MNAT1: variants seen among roughly 807,000 people sequenced by gnomAD.
The protein encoded by MNAT1 is MNAT1 component of CDK activating kinase, also known as CDK-activating kinase assembly factor MAT1.
MNAT1 carries 43 observed loss-of-function variants against 42.0 expected under a neutral mutation model. The observed-to-expected ratio is 1.02, with a 90% CI of 0.80 to 1.32. MNAT1 has a LOEUF of 1.32. Ranked by LOEUF, MNAT1 falls within the 40% of genes most tolerant of loss-of-function variation. The probability of loss-of-function intolerance (pLI) is 0.00; values close to 1 mark genes in which losing one functional copy is unlikely to be tolerated. For synonymous variants in MNAT1, 118 were observed against 120.0 expected, an observed-to-expected ratio of 0.98 and a Z score of 0.11; for missense variants, 306 against 350.4, an observed-to-expected ratio of 0.87 and a Z score of 1.01.
chr14:60,896,076 A>G (rs1377246170), intron 7 of MNAT1, among the ~76,000 whole-genome samples: 1 of 152,184 alleles, frequency 6.6e-6, no homozygotes, highest in African/African-American at 2.4e-5. Flanking sequence ...TGTTACTGAG[A>G]TCTTTTCACA....
At chr14:60,827,838 C>T (rs1055656567) in intron 6 of MNAT1, among the ~76,000 whole-genome samples, 1 of 152,122 alleles carries the variant, frequency 6.6e-6, no homozygotes, top group Non-Finnish European at 1.5e-5. Flanking sequence ...CAGGTGATTA[C>T]TTTCTCTTAG....
intron 6 of MNAT1, among the ~76,000 whole-genome samples, chr14:60,823,173 A>G (rs1249426310): frequency 1.3e-5 from 2 of 152,186 alleles, no homozygotes; most frequent in East Asian, 3.8e-4. Context: ...CCCTGGCTTT[A>G]AGGTCAACAA....
intron 6 of MNAT1, among the ~76,000 whole-genome samples, chr14:60,845,356 T>A (rs569935356): frequency 6.6e-6 from 1 of 152,146 alleles, no homozygotes; most frequent in South Asian, 2.1e-4. Context: ...GAGAATTTCA[T>A]CTAAAGTGTA....
At chr14:60,879,652 T>A in intron 6 of MNAT1, 62 bp from the exon 7 acceptor site, 1 of 1,468,310 alleles carries the variant, frequency 6.8e-7, no homozygotes, top group Non-Finnish European at 9.3e-7. Flanking sequence ...AAAATGATTA[T>A]AAATAAGTAG....
chr14:60,750,258 G>A (rs554524042), intron 1 of MNAT1, among the ~76,000 whole-genome samples: 1 of 149,192 alleles, frequency 6.7e-6, no homozygotes, highest in Admixed American at 6.7e-5. Flanking sequence ...ACGGAATCTC[G>A]TTCTGTCGCC....
Position 60,968,306 on chromosome 14 carries a change from C to A in MNAT1, c.887C>A (p.Ala296Glu), listed in dbSNP as rs774119944. 1.2e-6 allele frequency: 2 copies of A among 1,613,952 alleles called. No individual in the cohort carries two copies. The highest frequency in any genetic ancestry group is 1.7e-6 in the Non-Finnish European group (2 of 1,179,884). The change falls in exon 8 of 8, where the codon GCA becomes GAA. Residue 296 changes from alanine (A) to glutamate (E), a missense_variant. This residue lies in a region of MNAT1 where 116 missense variants were observed against 139.6 expected (regional missense o/e 0.83). Transcript: ENST00000261245. ...ACTTCTTCTCTTGCTTGTCACAGAG[C>A]ACTACAGGATGCATTCAGTGGGCTT... Reference protein sequence around the residue: ...GYTSSLACHRALQDAFSGLFW... With the variant: ...GYTSSLACHRELQDAFSGLFW...
chr14:60,948,517 G>GT (rs540896863), intron 7 of MNAT1, among the ~76,000 whole-genome samples: 191 of 152,214 alleles, frequency 1.3e-3, no homozygotes, highest in Non-Finnish European at 2.1e-3. Context: ...TCATTGTAGA[G>GT]TTTTTTCATT....
chr14:60,909,336 C>T (rs975054780), intron 7 of MNAT1, among the ~76,000 whole-genome samples: 31 of 152,242 alleles, frequency 2.0e-4, no homozygotes, highest in African/African-American at 5.3e-4. Flanking sequence ...AATTAGATCC[C>T]ATTTGTCAAT....
chr14:60,758,270 G>C (rs895551845), intron 1 of MNAT1, among the ~76,000 whole-genome samples: 9 of 151,274 alleles, frequency 5.9e-5, no homozygotes, highest in African/African-American at 2.2e-4. Context: ...GCAGTGGCAA[G>C]ATCATGGCTT....
intron 6 of MNAT1, among the ~76,000 whole-genome samples, chr14:60,843,416 A>G (rs935360002): frequency 6.6e-6 from 1 of 151,846 alleles, no homozygotes; most frequent in Non-Finnish European, 1.5e-5. Flanking sequence ...GATTACAGGC[A>G]CCCACCACCA....
At chr14:60,780,023 A>T (rs1273260090) in intron 1 of MNAT1, 1 of 1,556,616 alleles carries the variant, frequency 6.4e-7, no homozygotes, top group Non-Finnish European at 8.9e-7. Context: ...CCTGCGTGGG[A>T]GTGCCGAAAT....
At chr14:60,950,475 G>A (rs2036359856) in intron 7 of MNAT1, among the ~76,000 whole-genome samples, 1 of 152,116 alleles carries the variant, frequency 6.6e-6, no homozygotes, top group African/African-American at 2.4e-5. Context: ...GTCCACCCCA[G>A]TGACTGATAT....
intron 7 of MNAT1, among the ~76,000 whole-genome samples, chr14:60,888,494 C>T (rs1232964962): frequency 6.6e-6 from 1 of 152,008 alleles, no homozygotes; most frequent in Admixed American, 6.5e-5. Context: ...CAATATCATA[C>T]AGAATGGACA....
At position 60,893,673 on chromosome 14, in the gene MNAT1, C is replaced by A. The variant is rs1484343823; in HGVS notation, c.809+13838C>A. On this transcript the variant is annotated intron_variant, in intron 7 of 7. Coordinates refer to ENST00000261245, the MANE Select transcript of MNAT1 (RefSeq NM_002431.4). ...CACAGGCTTCAAATTCATCTAGTCACAATTTATTGCCACCTTGCTTTTAGT... is the reference window on the plus strand; with the variant it reads ...CACAGGCTTCAAATTCATCTAGTCAAAATTTATTGCCACCTTGCTTTTAGT... Among the ~76,000 whole-genome samples, 4 of 152,196 alleles carry A rather than the reference C, an allele frequency of 2.6e-5. No homozygotes were observed. In the East Asian group the frequency reaches 7.7e-4, roughly 29 times the overall value.
chr14:60,963,879 GC>G (rs1427772904), intron 7 of MNAT1, among the ~76,000 whole-genome samples: 1 of 152,164 alleles, frequency 6.6e-6, no homozygotes, highest in Non-Finnish European at 1.5e-5. Flanking sequence ...AAGCCAGTGT[GC>G]TTTAAGGATT....
chr14:60,827,212 C>T (rs2033080599), intron 6 of MNAT1, among the ~76,000 whole-genome samples: 1 of 151,978 alleles, frequency 6.6e-6, no homozygotes, highest in African/African-American at 2.4e-5. Flanking sequence ...TTTTGATAGT[C>T]TGTGGTTGGT....
At chr14:60,944,765 G>A (rs980893091) in intron 7 of MNAT1, among the ~76,000 whole-genome samples, 1 of 152,150 alleles carries the variant, frequency 6.6e-6, no homozygotes, top group East Asian at 1.9e-4. Context: ...GGTAAGCGAG[G>A]CACTTTAATT....
chr14:60,907,627 A>G (rs755854128), intron 7 of MNAT1, among the ~76,000 whole-genome samples: 1 of 151,262 alleles, frequency 6.6e-6, no homozygotes, highest in Non-Finnish European at 1.5e-5. Flanking sequence ...TTAAAAAAAT[A>G]CAAAATTAGC....
At chr14:60,781,894 A>G (rs1370938809) in intron 1 of MNAT1, among the ~76,000 whole-genome samples, 1 of 149,334 alleles carries the variant, frequency 6.7e-6, no homozygotes, top group African/African-American at 2.5e-5. Flanking sequence ...TTATTTCCAC[A>G]TTGATTTGTA....
Sources: gnomAD v4.1 joint callset for allele counts (sites outside exome capture counted in the v4.1 genomes callset) on GRCh38, gnomAD v4.1.1 for gene constraint, gnomAD v4.1.1 regional missense constraint, MANE v1.5 for transcripts, NCBI Gene and HGNC (gene_info 2026-07-23, HGNC 2026-07-21) for gene names.